Variants in TANGO6 observed in about 807,000 individuals in gnomAD.
TANGO6 encodes the protein transport and Golgi organization protein 6 homolog.
Under a neutral mutation model 114.2 loss-of-function variants are expected in TANGO6, and 90 were observed. That is an observed-to-expected ratio of 0.79 (90% CI 0.66 to 0.94). TANGO6 has a LOEUF of 0.94. Ranked by LOEUF, TANGO6 falls within the 40% of genes least tolerant of loss-of-function variation. The pLI is 0.00. For missense variants in TANGO6, 1,274 were observed against 1,315.3 expected, an observed-to-expected ratio of 0.97 and a Z score of 0.49; for synonymous variants, 477 against 509.8, an observed-to-expected ratio of 0.94 and a Z score of 0.87.
At chr16:69,052,868 G>A (rs1959974058) in intron 17 of TANGO6, among the ~76,000 whole-genome samples, 1 of 152,104 alleles carries the variant, frequency 6.6e-6, no homozygotes, top group Admixed American at 6.6e-5. Flanking sequence ...CAGCACTTTG[G>A]GAGGCCGAGG....
chr16:68,957,397 A>ATT lies in TANGO6; in HGVS notation c.2702-16614_2702-16613dup, dbSNP rs57031701. Among the ~76,000 whole-genome samples the ATT allele has an allele frequency of 1.4e-3, 192 of 134,128 alleles. 2 individuals carry two copies. The highest frequency in any genetic ancestry group is 5.0e-3 in the South Asian group (21 of 4,202). The allele number at this position is 134,128 out of a possible 152,430, so 88.0% of individuals were successfully genotyped here. On this transcript the variant is annotated intron_variant, in intron 14 of 17. Transcript: ENST00000261778. Reference sequence around the variant, plus strand: ...TCACAAAATAACCAAGCATAACACTATTTTTTTTTTTTTTTTTTGAGACAG... The same window carrying ATT: ...TCACAAAATAACCAAGCATAACACTATTTTTTTTTTTTTTTTTTTTGAGACAG...
intron 15 of TANGO6, among the ~76,000 whole-genome samples, chr16:68,979,631 T>G (rs536735501): frequency 7.2e-5 from 11 of 152,302 alleles, no homozygotes; most frequent in African/African-American, 2.6e-4. Context: ...GTATGATATA[T>G]TCTATGTATT....
intron 14 of TANGO6, among the ~76,000 whole-genome samples, chr16:68,935,629 C>G (rs1223941625): frequency 1.3e-5 from 2 of 152,182 alleles, no homozygotes; most frequent in Non-Finnish European, 1.5e-5. Flanking sequence ...ATAACAGCTT[C>G]TTCAGGCAGA....
At chr16:69,072,304 A>T (rs960656561) in intron 17 of TANGO6, among the ~76,000 whole-genome samples, 9 of 152,094 alleles carry the variant, frequency 5.9e-5, no homozygotes, top group Non-Finnish European at 1.2e-4. Flanking sequence ...CACTGACTGC[A>T]AGCAGCTAAA....
chr16:69,013,477 C>T (rs989711154), intron 15 of TANGO6, among the ~76,000 whole-genome samples: 4 of 151,760 alleles, frequency 2.6e-5, no homozygotes, highest in African/African-American at 7.3e-5. Flanking sequence ...ATCAGCTGGG[C>T]GTGGTGGCAT....
intron 14 of TANGO6, among the ~76,000 whole-genome samples, chr16:68,953,279 C>T (rs148054281): frequency 6.6e-5 from 10 of 151,926 alleles, no homozygotes; most frequent in South Asian, 2.1e-4. Flanking sequence ...GACAGGGTTT[C>T]GCCATGTTGG....
chr16:68,926,217 G>T (rs987882452), intron 12 of TANGO6, among the ~76,000 whole-genome samples: 1 of 152,016 alleles, frequency 6.6e-6, no homozygotes, highest in African/African-American at 2.4e-5. Flanking sequence ...GTCTCGGCCG[G>T]GCACCGTGGC....
At chr16:68,993,486 G>A (rs1448079973) in intron 15 of TANGO6, among the ~76,000 whole-genome samples, 1 of 152,194 alleles carries the variant, frequency 6.6e-6, no homozygotes, top group Non-Finnish European at 1.5e-5. Context: ...TAAACCAACA[G>A]TGTAACTGAA....
chr16:69,039,737 C>A (rs544216452), intron 16 of TANGO6, among the ~76,000 whole-genome samples: 1 of 152,354 alleles, frequency 6.6e-6, no homozygotes, highest in South Asian at 2.1e-4. Flanking sequence ...TGCTGACTCA[C>A]ATCCGGTGTA....
chr16:69,064,026 G>A (rs1340215560), intron 17 of TANGO6, among the ~76,000 whole-genome samples: 1 of 151,822 alleles, frequency 6.6e-6, no homozygotes, highest in Non-Finnish European at 1.5e-5. Flanking sequence ...TAGCAGAGAC[G>A]GGGTTTCACC....
intron 15 of TANGO6, among the ~76,000 whole-genome samples, chr16:68,980,824 C>T (rs987248748): frequency 6.6e-6 from 1 of 152,030 alleles, no homozygotes; most frequent in African/African-American, 2.4e-5. Flanking sequence ...CGTGAAACCC[C>T]GTCTCTGCTA....
At chr16:69,037,751 C>G (rs1959712855) in intron 16 of TANGO6, among the ~76,000 whole-genome samples, 1 of 152,184 alleles carries the variant, frequency 6.6e-6, no homozygotes, top group South Asian at 2.1e-4. Context: ...AAAACAGCCC[C>G]CAAAGGGTTG....
At chr16:68,963,892 C>T (rs187824716) in intron 14 of TANGO6, among the ~76,000 whole-genome samples, 1 of 152,246 alleles carries the variant, frequency 6.6e-6, no homozygotes, top group African/African-American at 2.4e-5. Flanking sequence ...GACACCTATC[C>T]CATTGTCTTT....
intron 7 of TANGO6, among the ~76,000 whole-genome samples, chr16:68,889,180 A>G (rs552695753): frequency 1.3e-5 from 2 of 152,346 alleles, no homozygotes; most frequent in African/African-American, 4.8e-5. Context: ...AGTGGAAAGT[A>G]CAGGGAGTTC....
chr16:69,082,006 G>A (rs1960472386), intron 17 of TANGO6, among the ~76,000 whole-genome samples: 1 of 151,266 alleles, frequency 6.6e-6, no homozygotes, highest in Non-Finnish European at 1.5e-5. Context: ...ATGGAGTCTA[G>A]CTCTGTCACC....
chr16:68,843,628 G>C lies in TANGO6; in HGVS notation c.11G>C (p.Arg4Pro), dbSNP rs760746324. The change falls in exon 1 of 18, where the codon CGA becomes CCA. Residue 4 changes from arginine (R) to proline (P), a missense_variant. By Grantham distance (103) the Arg-to-Pro change is moderately radical (BLOSUM62 -2). Around this residue, in one of 5 missense-constraint regions of TANGO6, gnomAD observed 114 missense variants for 104.6 expected, o/e 1.09. Transcript: ENST00000261778. The stretch of plus-strand genomic sequence containing the variant: ...TGTTACACTCCAGTCATGGCGGCCC[G>C]ACAGGCCGTGGGCAGCGGGGCTCAG... MAA[R>P]QAVGSGAQET... 1.5e-5 allele frequency: 24 copies of C among 1,613,302 alleles called. No homozygotes were observed. In the Admixed American group the frequency reaches 2.0e-4, roughly 13 times the overall value.
chr16:68,988,692 C>CTTTTTTTT (rs397855895), intron 15 of TANGO6, among the ~76,000 whole-genome samples: 12 of 112,490 alleles, frequency 1.1e-4, no homozygotes, highest in African/African-American at 3.2e-4. Flanking sequence ...TTCTCTCTCT[C>CTTTTTTTT]TTTTTTTTTT....
chr16:68,970,932 C>T (rs778615280), intron 14 of TANGO6, among the ~76,000 whole-genome samples: 4 of 152,062 alleles, frequency 2.6e-5, no homozygotes, highest in Non-Finnish European at 2.9e-5. Context: ...CCGAGGAGGG[C>T]GGATCACCTC....
chr16:69,042,107 A>G (rs1298047047), intron 17 of TANGO6, among the ~76,000 whole-genome samples: 4 of 152,212 alleles, frequency 2.6e-5, no homozygotes, highest in East Asian at 3.8e-4. Flanking sequence ...TCTAGCTGCA[A>G]AGGAGCCTGA....
Sources: allele counts gnomAD v4.1 joint callset (sites outside exome capture counted in the v4.1 genomes callset), GRCh38; gene constraint gnomAD v4.1.1; regional missense constraint gnomAD v4.1.1; transcripts MANE v1.5; gene names NCBI Gene and HGNC (gene_info 2026-07-23, HGNC 2026-07-21).